Variants in NGF observed in about 807,000 individuals in gnomAD.
NGF encodes beta-nerve growth factor.
Under a neutral mutation model 12.8 loss-of-function variants are expected in NGF, and 4 were observed. That is an observed-to-expected ratio of 0.31 (90% CI 0.15 to 0.72). The LOEUF (loss-of-function observed/expected upper bound fraction) is 0.72, where lower values mean the gene tolerates loss of function less well. Among genes scored for constraint, NGF ranks in the 30% least tolerant of loss-of-function variants. The probability of loss-of-function intolerance (pLI) is 0.69; values close to 1 mark genes in which losing one functional copy is unlikely to be tolerated. For synonymous variants in NGF, 140 were observed against 130.0 expected (o/e 1.08, Z -0.52); for missense variants, 283 against 330.8 (o/e 0.86, Z 1.12).
At chr1:115,330,846 C>T (rs1051021101) in intron 1 of NGF, among the ~76,000 whole-genome samples, 4 of 152,032 alleles carry the variant, frequency 2.6e-5, no homozygotes, top group Non-Finnish European at 4.4e-5. Flanking sequence ...ATTTGCCGTG[C>T]GTGTCTATAC....
At chr1:115,333,681 CTTTCTTTCTT>C (rs1655000784) in intron 1 of NGF, among the ~76,000 whole-genome samples, 1 of 61,704 alleles carries the variant, frequency 1.6e-5, no homozygotes, top group South Asian at 6.8e-4. Flanking sequence ...TTCTTTCTTT[CTTTCTTTCTT>C]TCTTTCTTTC....
chr1:115,327,869 T>TTC, intron 1 of NGF, among the ~76,000 whole-genome samples: 1 of 152,290 alleles, frequency 6.6e-6, no homozygotes, highest in African/African-American at 2.4e-5. Flanking sequence ...CTGCTATAAA[T>TTC]ATTATTTGAA....
chr1:115,315,847 C>T (rs1654465033), intron 1 of NGF, among the ~76,000 whole-genome samples: 1 of 152,166 alleles, frequency 6.6e-6, no homozygotes, highest in South Asian at 2.1e-4. Flanking sequence ...GGAAGTTAAA[C>T]AAATTTCCCA....
chr1:115,334,293 T>C (rs887569227), intron 1 of NGF, among the ~76,000 whole-genome samples: 2 of 152,120 alleles, frequency 1.3e-5, no homozygotes, highest in Admixed American at 6.5e-5. Context: ...GATGCCAGAG[T>C]GTGATCCACT....
intron 1 of NGF, among the ~76,000 whole-genome samples, chr1:115,334,672 C>G (rs943218369): frequency 6.6e-6 from 1 of 152,146 alleles, no homozygotes; most frequent in African/African-American, 2.4e-5. Context: ...GACTTCTCAA[C>G]TGGGAGCAGC....
intron 1 of NGF, among the ~76,000 whole-genome samples, chr1:115,297,416 C>A (rs1361582359): frequency 6.6e-6 from 1 of 152,160 alleles, no homozygotes; most frequent in East Asian, 1.9e-4. Flanking sequence ...CTTCCCTCTT[C>A]TGGACCATAC....
chr1:115,329,467 T>G (rs1171952716), intron 1 of NGF, among the ~76,000 whole-genome samples: 1 of 152,210 alleles, frequency 6.6e-6, no homozygotes, highest in African/African-American at 2.4e-5. Flanking sequence ...TTCGAAATCA[T>G]GCTGTTGTCT....
intron 1 of NGF, among the ~76,000 whole-genome samples, chr1:115,333,317 G>A (rs1654975276): frequency 6.6e-6 from 1 of 152,130 alleles, no homozygotes; most frequent in African/African-American, 2.4e-5. Context: ...AAGGGCTTCT[G>A]TGTGAAACTT....
intron 1 of NGF, among the ~76,000 whole-genome samples, chr1:115,304,473 C>T (rs1654141903): frequency 6.6e-6 from 1 of 151,722 alleles, no homozygotes; most frequent in Non-Finnish European, 1.5e-5. Flanking sequence ...TGCGCCTGGC[C>T]ATATTTTTAA....
intron 1 of NGF, among the ~76,000 whole-genome samples, chr1:115,337,256 G>GTTTTTTTTTTTTTTTTTTTT (rs1364127314): frequency 7.4e-5 from 2 of 27,200 alleles, no homozygotes; most frequent in African/African-American, 3.3e-4. Context: ...AATTTTTTTT[G>GTTTTTTTTTTTTTTTTTTTT]TTTTGTTTTT....
At chr1:115,307,332 G>T (rs1186212992) in intron 1 of NGF, among the ~76,000 whole-genome samples, 2 of 152,162 alleles carry the variant, frequency 1.3e-5, no homozygotes, top group African/African-American at 2.4e-5. Context: ...CAACAGAGGG[G>T]AGTGGAGAAA....
chr1:115,321,444 AG>A (rs1654622802), intron 1 of NGF, among the ~76,000 whole-genome samples: 1 of 152,140 alleles, frequency 6.6e-6, no homozygotes, highest in African/African-American at 2.4e-5. Context: ...TATAAACAAA[AG>A]GACTGAATTA....
intron 1 of NGF, among the ~76,000 whole-genome samples, chr1:115,297,234 G>A (rs1240734539): frequency 6.6e-6 from 1 of 152,192 alleles, no homozygotes; most frequent in Admixed American, 6.5e-5. Flanking sequence ...AGGTGATTCT[G>A]ATAGTCACAT....
At position 115,333,655 on chromosome 1, in the gene NGF, CTCTTTCTTTCTTTCTTTCTTTCTT is replaced by C. The variant is rs368041850; in HGVS notation, c.-137+4525_-137+4548del. Among the ~76,000 whole-genome samples the C allele has an allele frequency of 2.7e-4, 36 of 135,226 alleles. 1 individual carries two copies. Among genetic ancestry groups the C allele is most frequent in the East Asian group, 1.1e-3 (5 of 4,646 alleles). The allele number at this position is 135,226 out of a possible 152,430, so 88.7% of individuals were successfully genotyped here. On this transcript the variant is annotated intron_variant, in intron 1 of 2. Transcript: ENST00000369512. ...GAGCTCCTTAAGACTTTCTTTCTTT[CTCTTTCTTTCTTTCTTTCTTTCTT>C]TCTTTCTTTCTTTCTTTCTTTCTTT... is the stretch of plus-strand genomic sequence containing the variant.
intron 1 of NGF, among the ~76,000 whole-genome samples, chr1:115,327,668 G>A (rs961709967): frequency 2.0e-5 from 3 of 152,088 alleles, no homozygotes; most frequent in Admixed American, 2.0e-4. Flanking sequence ...CACTCTCCCC[G>A]CCACCTTTTC....
chr1:115,326,288 G>A (rs1654775333), intron 1 of NGF, among the ~76,000 whole-genome samples: 1 of 152,178 alleles, frequency 6.6e-6, no homozygotes, highest in Admixed American at 6.5e-5. Context: ...CTTAGACTGA[G>A]TAGTTGGGGA....
chr1:115,288,887 T>C (rs1653599359), intron 2 of NGF, among the ~76,000 whole-genome samples: 1 of 152,220 alleles, frequency 6.6e-6, no homozygotes, highest in South Asian at 2.1e-4. Context: ...CCTTTGTGCA[T>C]ATGGCTACAC....
chr1:115,294,293 G>T (rs565521743), intron 1 of NGF, among the ~76,000 whole-genome samples: 2 of 152,312 alleles, frequency 1.3e-5, no homozygotes, highest in South Asian at 4.1e-4. Context: ...GAATCTCAGA[G>T]TACCACACTG....
At chr1:115,315,377 G>A (rs1416213498) in intron 1 of NGF, among the ~76,000 whole-genome samples, 1 of 152,136 alleles carries the variant, frequency 6.6e-6, no homozygotes, top group African/African-American at 2.4e-5. Flanking sequence ...ATGTAGCAGA[G>A]GTGAGAAGAC....
Sources: gnomAD v4.1 joint callset for allele counts (sites outside exome capture counted in the v4.1 genomes callset) on GRCh38, gnomAD v4.1.1 for gene constraint, MANE v1.5 for transcripts, NCBI Gene and HGNC (gene_info 2026-07-23, HGNC 2026-07-21) for gene names.